Variants in LRRC45 observed in about 807,000 individuals in gnomAD.
LRRC45 encodes the protein leucine rich repeat containing 45, also known as leucine-rich repeat-containing protein 45.
LRRC45 carries 73 observed loss-of-function variants against 85.4 expected under a neutral mutation model. That is an observed-to-expected ratio of 0.85 (90% CI 0.71 to 1.04). The LOEUF (loss-of-function observed/expected upper bound fraction) is 1.04, where lower values mean the gene tolerates loss of function less well. Ranked by LOEUF, LRRC45 falls within the 50% of genes least tolerant of loss-of-function variation. The pLI, the probability that LRRC45 is intolerant of heterozygous loss-of-function variation, is 0.00. For missense variants in LRRC45, 937 were observed against 883.3 expected, an observed-to-expected ratio of 1.06 and a Z score of -0.77; for synonymous variants, 429 against 386.0, an observed-to-expected ratio of 1.11 and a Z score of -1.31.
chr17:82,029,628 TGGA>T lies in LRRC45; in HGVS notation c.1493_1494+1del. On this transcript the variant is annotated inframe_deletion, in exon 14 of 17. Transcript: ENST00000306688. Reference sequence around the variant, plus strand: ...ATCAAGGCCAAGAGCCAGGCCCGCCTGGAGGAGGTGAGCCACACATGTCCGCCA... The same window carrying T: ...ATCAAGGCCAAGAGCCAGGCCCGCCTGGAGGTGAGCCACACATGTCCGCCA... 6.4e-7 allele frequency: 1 copy of T among 1,568,948 alleles called. No individual in the cohort carries two copies. The highest frequency in any genetic ancestry group is 8.6e-7 in the Non-Finnish European group (1 of 1,158,686).
At position 82,027,376 on chromosome 17, in the gene LRRC45, C is replaced by G. The variant is rs752877672; in HGVS notation, c.775-10C>G. On this transcript the variant is annotated splice_polypyrimidine_tract_variant and intron_variant, in intron 6 of 16. Coordinates refer to ENST00000306688, the MANE Select transcript of LRRC45 (RefSeq NM_144999.4). ...TGCCCTGACAGGGCTGCGGCTGTCT[C>G]TGTCCCCAGTTCCTCGACTTGATGG... The G allele has an allele frequency of 2.6e-5, 42 of 1,612,458 alleles. No homozygotes were observed. Among genetic ancestry groups the G allele is most frequent in the Non-Finnish European group, 2.2e-5 (26 of 1,179,946 alleles).
intron 3 of LRRC45, 66 bp downstream of exon 3, chr17:82,024,829 T>C: frequency 6.6e-7 from 1 of 1,509,096 alleles, no homozygotes; most frequent in South Asian, 1.3e-5. Flanking sequence ...GAGCACATGC[T>C]TCTGCAGCCC....
In LRRC45 at chr17:82,030,876, C is replaced by A. The variant is rs2043415215; in HGVS notation, c.*71C>A. 2 of 1,145,168 alleles carry A rather than the reference C, an allele frequency of 1.7e-6. No homozygotes were observed. Among genetic ancestry groups the A allele is most frequent in the Admixed American group, 3.7e-5 (1 of 26,972 alleles). 70.9% of individuals were successfully genotyped at this position (1,145,168 alleles called of 1,614,324 possible). ...GCCCGAGATGGACCAGGGGCTGCGTCCCGCCCGCGCCGCCTCTTTGAGACC... is the reference window on the plus strand; with the variant it reads ...GCCCGAGATGGACCAGGGGCTGCGTACCGCCCGCGCCGCCTCTTTGAGACC... On this transcript the variant is annotated 3_prime_UTR_variant, in exon 17 of 17. Transcript: ENST00000306688.
At position 82,028,138 on chromosome 17, in the gene LRRC45, G is replaced by C. The variant is rs1170845538; in HGVS notation, c.1039G>C (p.Glu347Gln). The C allele has an allele frequency of 6.4e-7, 1 of 1,567,194 alleles. No homozygotes were observed. The highest frequency in any genetic ancestry group is 8.6e-7 in the Non-Finnish European group (1 of 1,156,784). ...GAGGCAGGCCAAGGAGCTCAAGCTG[G>C]AGCAGCAGGTGGGTGGGCAGGGCTT... ...SQRQAKELKL[E>Q]QQEAAERESK... is the part of the protein sequence containing the mutation. Residue 347 changes from glutamate (E) to glutamine (Q), a missense_variant, in exon 9 of 17, where the codon GAG becomes CAG. By Grantham distance (29) the Glu-to-Gln change is conservative (BLOSUM62 2). Transcript: ENST00000306688.
Position 82,030,082 on chromosome 17 carries a change from C to A in LRRC45, c.1512C>A (p.His504Gln). The change falls in exon 15 of 17, where the codon CAC becomes CAA. Residue 504 changes from histidine (H) to glutamine (Q), a missense_variant. Physicochemically the swap from His to Gln is conservative, Grantham distance 24 (BLOSUM62 0). Transcript: ENST00000306688. Reference sequence around the variant, plus strand: ...GCTCACAGCAACAGCGCCTGGCTCACCTGGAGGACAAGCTGAGACTGCTGG... The same window carrying A: ...GCTCACAGCAACAGCGCCTGGCTCAACTGGAGGACAAGCTGAGACTGCTGG... Reference protein sequence around the residue: ...ARLEEQQRLAHLEDKLRLLAQ... With the variant: ...ARLEEQQRLAQLEDKLRLLAQ... 6.5e-7 allele frequency: 1 copy of A among 1,545,768 alleles called. No homozygotes were observed.
rs543499106 is a variant in LRRC45, at chr17:82,025,516, C to T, written c.661+9C>T. The T allele has an allele frequency of 6.4e-6, 10 of 1,573,910 alleles. No homozygotes were observed. In the East Asian group the frequency reaches 2.3e-4, roughly 36 times the overall value. On this transcript the variant is annotated intron_variant, in intron 5 of 16. Coordinates refer to ENST00000306688, the MANE Select transcript of LRRC45 (RefSeq NM_144999.4). ...CGTCCTCAGAGCCGTGGGTACGGTG[C>T]AGGGCTGTGTGGAGTGACGCGTGAG...
chr17:82,029,993 C>A, intron 14 of LRRC45, 72 bp from the exon 15 acceptor site: 1 of 1,447,310 alleles, frequency 6.9e-7, no homozygotes, highest in Non-Finnish European at 9.1e-7. Context: ...TGGGGTCGTG[C>A]CCGTGCAGAC....
chr17:82,027,146 C>G lies in LRRC45; in HGVS notation c.774+135C>G, dbSNP rs1598455119. The G allele has an allele frequency of 1.4e-5, 13 of 904,620 alleles. No homozygotes were observed. The East Asian group carries it at 3.4e-4, about 24-fold the overall frequency. The allele number at this position is 904,620 out of a possible 1,614,324, so 56.0% of individuals were successfully genotyped here. On this transcript the variant is annotated intron_variant, in intron 6 of 16. Coordinates refer to ENST00000306688, the MANE Select transcript of LRRC45 (RefSeq NM_144999.4). ...TGGAGCCTCTCTGAGTGGCTGGTAC[C>G]AGGAAGGAGGGGCGGCCTCCTGGTC... is the stretch of plus-strand genomic sequence containing the variant.
At chr17:82,028,717 T>C (rs774636035) in intron 12 of LRRC45, 34 bp downstream of exon 12, 1 of 1,587,904 alleles carries the variant, frequency 6.3e-7, no homozygotes, top group Non-Finnish European at 8.6e-7. Flanking sequence ...TGCGCCTCAG[T>C]CTCTGGTCTT....
In LRRC45 at chr17:82,028,820, C is replaced by G; in HGVS notation, c.1308+137C>G. ...GGTGGCCGTATTTTGCCAGCCTGAGCGGATGTCAGACCCAGAACCTCCTAT... is the reference window on the plus strand; with the variant it reads ...GGTGGCCGTATTTTGCCAGCCTGAGGGGATGTCAGACCCAGAACCTCCTAT... On this transcript the variant is annotated intron_variant, in intron 12 of 16. Coordinates refer to ENST00000306688, the MANE Select transcript of LRRC45 (RefSeq NM_144999.4). 3.9e-6 allele frequency: 4 copies of G among 1,019,984 alleles called. No homozygotes were observed. The South Asian group carries it at 6.4e-5, about 16-fold the overall frequency. 63.2% of individuals were successfully genotyped at this position (1,019,984 alleles called of 1,614,324 possible). A position where few individuals can be genotyped will look rare whatever the true frequency, so the allele number is the denominator to read the frequency against.
At chr17:82,029,213 T>TTGGCC in intron 13 of LRRC45, 28 bp downstream of exon 13, 1 of 1,594,926 alleles carries the variant, frequency 6.3e-7, no homozygotes. Flanking sequence ...AGGGCCAAGC[T>TTGGCC]CTGCCTTAGT....
chr17:82,028,942 G>A (rs4969467), intron 12 of LRRC45, 151 bp from the exon 13 acceptor site: 35,077 of 745,574 alleles, frequency 0.047, 1,307 homozygotes, highest in South Asian at 0.14. Context: ...TGCATGCTGC[G>A]GTAGTTTCCT....
intron 14 of LRRC45, 69 bp from the exon 15 acceptor site, chr17:82,029,996 G>T: frequency 6.9e-7 from 1 of 1,455,286 alleles, no homozygotes. Context: ...GGTCGTGCCC[G>T]TGCAGACATT....
Position 82,028,077 on chromosome 17 carries a change from G to A in LRRC45, c.978G>A (p.Leu326=). ...EQKAQDLGEL[L]ATAEQEQLSL... The stretch of plus-strand genomic sequence containing the variant: ...AGGCCCAGGACCTGGGGGAGCTCCT[G>A]GCCACAGCGGAGCAGGAGCAGCTGA... The change falls in exon 9 of 17, where the codon CTG becomes CTA. Residue 326 remains leucine, a synonymous_variant. Transcript: ENST00000306688. 1.3e-6 allele frequency: 2 copies of A among 1,595,200 alleles called. No homozygotes were observed. The highest frequency in any genetic ancestry group is 2.3e-5 in the East Asian group (1 of 43,972).
chr17:82,024,017 C>T (rs1892520072), intron 1 of LRRC45, 154 bp downstream of exon 1: 1 of 748,886 alleles, frequency 1.3e-6, no homozygotes, highest in South Asian at 1.8e-5. Flanking sequence ...GAGTAGAGGG[C>T]AGTTCCTCTG....
At chr17:82,024,002 C>T (rs1248956466) in intron 1 of LRRC45, 139 bp downstream of exon 1, 7 of 821,024 alleles carry the variant, frequency 8.5e-6, no homozygotes, top group African/African-American at 5.1e-5. Flanking sequence ...CCTTCCTGCA[C>T]CTGGGAGTAG....
rs1237776031 is a variant in LRRC45 at position 82,023,760 on chromosome 17, G to A, written c.117G>A (p.Thr39=). The change falls in exon 1 of 17, where the codon ACG becomes ACA. Residue 39 remains threonine (T), a synonymous_variant. Transcript: ENST00000306688. ...QLPRGRLDLA[T]QSLTVETCRA... ...CCAGGGGCCGGCTGGACCTGGCCAC[G>A]CAAAGCCTGACGGTGGAGACCTGCA... 2.6e-6 allele frequency: 4 copies of A among 1,558,164 alleles called. No homozygotes were observed. The highest frequency in any genetic ancestry group is 2.4e-5 in the East Asian group (1 of 42,322).
chr17:82,024,411 T>A, intron 2 of LRRC45, 72 bp downstream of exon 2: 1 of 1,570,172 alleles, frequency 6.4e-7, no homozygotes, highest in Non-Finnish European at 8.7e-7. Context: ...AGATGCCAGG[T>A]CTCGGGGGCC....
At position 82,030,773 on chromosome 17, in the gene LRRC45, TC is replaced by T; in HGVS notation, c.1986del (p.Val663Ter). 1 of 1,432,422 alleles carries T rather than the reference TC, an allele frequency of 7.0e-7. No homozygotes were observed. The highest frequency in any genetic ancestry group is 9.3e-7 in the Non-Finnish European group (1 of 1,076,452). 88.7% of individuals were successfully genotyped at this position (1,432,422 alleles called of 1,614,324 possible). On this transcript the variant is annotated frameshift_variant, in exon 17 of 17. Transcript: ENST00000306688. LOFTEE classifies it high-confidence loss of function. ...CGCCGTCCTGGCTTACGTGCAGGCG[TC>T]CCCCGTGAGGACCCTGAGCCCCCCA... The part of the protein sequence containing the change: ...QNAVLAYVQA[S>X]PVRTLSPPK
Sources: allele counts gnomAD v4.1 joint callset, GRCh38; gene constraint gnomAD v4.1.1; transcripts MANE v1.5; gene names NCBI Gene and HGNC (gene_info 2026-07-23, HGNC 2026-07-21).